Variants in TBX15 observed in about 807,000 individuals in gnomAD.
TBX15 encodes the protein T-box transcription factor TBX15.
A neutral mutation model predicts 53.9 loss-of-function variants in TBX15; 18 were observed. That is an observed-to-expected ratio of 0.33 (90% CI 0.23 to 0.49). TBX15 has a LOEUF of 0.49. Among genes scored for constraint, TBX15 ranks in the 20% least tolerant of loss-of-function variants. The probability of loss-of-function intolerance (pLI) is 0.98; values close to 1 mark genes in which losing one functional copy is unlikely to be tolerated. For synonymous variants in TBX15, 295 were observed against 278.0 expected, an observed-to-expected ratio of 1.06 and a Z score of -0.61; for missense variants, 692 against 749.5, an observed-to-expected ratio of 0.92 and a Z score of 0.90.
intron 1 of TBX15, among the ~76,000 whole-genome samples, chr1:118,937,806 A>G (rs1235151659): frequency 6.6e-6 from 1 of 152,240 alleles, no homozygotes; most frequent in Admixed American, 6.5e-5. Context: ...CCTATCTGAT[A>G]GTGGTAGGAC....
intron 6 of TBX15, 92 bp from the exon 7 acceptor site, chr1:118,899,217 T>G: frequency 8.6e-7 from 1 of 1,166,144 alleles, no homozygotes; most frequent in Non-Finnish European, 1.3e-6. Context: ...GTCAAACAGG[T>G]AATAAAAACA....
chr1:118,950,237 G>A (rs1158770374), intron 1 of TBX15, among the ~76,000 whole-genome samples: 2 of 152,228 alleles, frequency 1.3e-5, no homozygotes, highest in Non-Finnish European at 2.9e-5. Flanking sequence ...TTAGGCATAT[G>A]TGGCTTCTGG....
intron 6 of TBX15, among the ~76,000 whole-genome samples, chr1:118,909,435 G>A (rs1654953978): frequency 6.6e-6 from 1 of 152,220 alleles, no homozygotes; most frequent in South Asian, 2.1e-4. Flanking sequence ...GCAAGAATCT[G>A]GGGGGTTCCT....
chr1:118,887,116 G>A (rs888751845), intron 7 of TBX15, among the ~76,000 whole-genome samples: 28 of 152,136 alleles, frequency 1.8e-4, no homozygotes, highest in African/African-American at 5.1e-4. Flanking sequence ...CTAGGGCTGC[G>A]GGGCCCTTTA....
chr1:118,918,920 A>G (rs968180924), intron 5 of TBX15, among the ~76,000 whole-genome samples: 2 of 152,212 alleles, frequency 1.3e-5, no homozygotes, highest in Non-Finnish European at 2.9e-5. Flanking sequence ...ATTTCATACT[A>G]TATTGCTTGA....
intron 1 of TBX15, among the ~76,000 whole-genome samples, chr1:118,951,344 C>G (rs752713790): frequency 1.3e-5 from 2 of 152,214 alleles, no homozygotes; most frequent in Non-Finnish European, 2.9e-5. Flanking sequence ...AGCTAACATG[C>G]AATTCCCAGA....
chr1:118,895,328 C>G (rs1478597831), intron 7 of TBX15, among the ~76,000 whole-genome samples: 1 of 152,142 alleles, frequency 6.6e-6, no homozygotes, highest in East Asian at 1.9e-4. Context: ...GTTGGCAGTT[C>G]TGGTGTCATT....
chr1:118,931,920 G>A, intron 1 of TBX15, 88 bp from the exon 2 acceptor site: 1 of 1,314,886 alleles, frequency 7.6e-7, no homozygotes. Flanking sequence ...GAAATGCAAT[G>A]AAGTGGGGAG....
At chr1:118,887,893 A>G (rs1403839301) in intron 7 of TBX15, among the ~76,000 whole-genome samples, 2 of 152,152 alleles carry the variant, frequency 1.3e-5, no homozygotes, top group Admixed American at 1.3e-4. Context: ...GGCTGTTGTT[A>G]TTATAATAGT....
intron 1 of TBX15, among the ~76,000 whole-genome samples, chr1:118,937,379 C>A (rs1384810509): frequency 6.6e-6 from 1 of 152,238 alleles, no homozygotes; most frequent in East Asian, 1.9e-4. Flanking sequence ...AGGGAACAAA[C>A]AAAAATTTAT....
Position 118,972,477 on chromosome 1 carries a change from G to A in TBX15, c.205+15114C>T, listed in dbSNP as rs542841669. On this transcript the variant is annotated intron_variant, in intron 1 of 7. Coordinates refer to ENST00000369429, the MANE Select transcript of TBX15 (RefSeq NM_001330677.2). Reference sequence around the variant, plus strand: ...AGACAGCAGCAATAATGGCATGGAAGAGGAGAAAAAGCCTGTGTGGAGAGG... The same window carrying A: ...AGACAGCAGCAATAATGGCATGGAAAAGGAGAAAAAGCCTGTGTGGAGAGG... Among the ~76,000 whole-genome samples the A allele has an allele frequency of 2.6e-5, 4 of 152,328 alleles. No homozygotes were observed. The East Asian group carries it at 7.7e-4, about 29-fold the overall frequency.
chr1:118,987,375 T>G (rs2101063716), intron 1 of TBX15, among the ~76,000 whole-genome samples: 2 of 152,358 alleles, frequency 1.3e-5, no homozygotes, highest in East Asian at 3.9e-4. Flanking sequence ...ACTCCTTGCT[T>G]AGGCTGGCGA....
rs775517604 is a variant in TBX15 at position 118,966,753 on chromosome 1, GT to G, written c.205+20837del. Among the ~76,000 whole-genome samples, 38 of 152,322 alleles carry G rather than the reference GT, an allele frequency of 2.5e-4. 1 individual carries two copies. Among genetic ancestry groups the G allele is most frequent in the Admixed American group, 9.8e-4 (15 of 15,298 alleles). ...CTTTCCTGCTTCTAAGATAAGACTA[GT>G]GGTTTCATCTTCTATGTTTTTGAGA... On this transcript the variant is annotated intron_variant, in intron 1 of 7. Transcript: ENST00000369429.
intron 1 of TBX15, among the ~76,000 whole-genome samples, chr1:118,961,919 C>T (rs967146592): frequency 6.6e-6 from 1 of 152,146 alleles, no homozygotes. Context: ...GTACCCATGC[C>T]GAAGCAAATG....
intron 1 of TBX15, among the ~76,000 whole-genome samples, chr1:118,939,432 A>AAAAAAAAAAAAAAAAAG (rs1656087088): frequency 2.3e-5 from 2 of 85,534 alleles, no homozygotes; most frequent in Non-Finnish European, 4.6e-5. Flanking sequence ...AAAAAAAAAA[A>AAAAAAAAAAAAAAAAAG]AAAACAAAAA....
intron 1 of TBX15, among the ~76,000 whole-genome samples, chr1:118,969,157 T>C (rs1448085254): frequency 6.6e-6 from 1 of 152,196 alleles, no homozygotes; most frequent in Non-Finnish European, 1.5e-5. Flanking sequence ...TCCCTGTACC[T>C]ACTGAGCTCA....
At chr1:118,889,988 G>A (rs1654082060) in intron 7 of TBX15, among the ~76,000 whole-genome samples, 1 of 152,144 alleles carries the variant, frequency 6.6e-6, no homozygotes, top group Admixed American at 6.6e-5. Context: ...GAAGGAAGGA[G>A]AAAGGAACTT....
chr1:118,957,955 A>C (rs541510328), intron 1 of TBX15, among the ~76,000 whole-genome samples: 4 of 152,246 alleles, frequency 2.6e-5, no homozygotes, highest in Admixed American at 1.3e-4. Flanking sequence ...ATAAAGACAC[A>C]TGCACACGTA....
At chr1:118,946,907 A>G (rs1474814904) in intron 1 of TBX15, among the ~76,000 whole-genome samples, 1 of 152,106 alleles carries the variant, frequency 6.6e-6, no homozygotes, top group Non-Finnish European at 1.5e-5. Flanking sequence ...CTTTTCCCCT[A>G]TCTCCCAGGA....
Sources: gnomAD v4.1 joint callset for allele counts (sites outside exome capture counted in the v4.1 genomes callset) on GRCh38, gnomAD v4.1.1 for gene constraint, MANE v1.5 for transcripts, NCBI Gene and HGNC (gene_info 2026-07-23, HGNC 2026-07-21) for gene names.